The following MTMR2 variants were observed in gnomAD, a reference collection of about 807,000 sequenced individuals.
MTMR2 encodes phosphatidylinositol-3,5-bisphosphate 3-phosphatase MTMR2.
MTMR2 carries 55 observed loss-of-function variants against 86.9 expected under a neutral mutation model. That is an observed-to-expected ratio of 0.63 (90% CI 0.51 to 0.79). The LOEUF (loss-of-function observed/expected upper bound fraction) is 0.79. Ranked by LOEUF, MTMR2 falls within the 30% of genes least tolerant of loss-of-function variation. MTMR2 has a pLI of 0.00. For synonymous variants in MTMR2, 241 were observed against 266.8 expected (o/e 0.90, Z 0.94); for missense variants, 659 against 772.3 (o/e 0.85, Z 1.74).
chr11:95,900,627 A>ATT (rs67412882), intron 1 of MTMR2, among the ~76,000 whole-genome samples: 1 of 147,822 alleles, frequency 6.8e-6, no homozygotes, highest in African/African-American at 2.5e-5. Flanking sequence ...TGTAGATAAC[A>ATT]TTTTTTTTTT....
At chr11:95,905,312 C>G (rs1194853234) in intron 1 of MTMR2, among the ~76,000 whole-genome samples, 2 of 140,538 alleles carry the variant, frequency 1.4e-5, no homozygotes, top group Non-Finnish European at 3.0e-5. Flanking sequence ...TATTCTTACA[C>G]ACACACGCAC....
chr11:95,902,446 C>T (rs1183392995), intron 1 of MTMR2, among the ~76,000 whole-genome samples: 1 of 152,142 alleles, frequency 6.6e-6, no homozygotes. Flanking sequence ...CCTTCAACAT[C>T]ATTTGCATTT....
intron 1 of MTMR2, among the ~76,000 whole-genome samples, chr11:95,891,441 A>G (rs1865708733): frequency 7.1e-6 from 1 of 140,888 alleles, no homozygotes. Context: ...ACAGAGCAAG[A>G]CTCTCACCAA....
chr11:95,907,925 T>C (rs1449985795), intron 1 of MTMR2: 9 of 419,464 alleles, frequency 2.1e-5, no homozygotes, highest in Middle Eastern at 3.4e-4. Flanking sequence ...AGTATTCCCC[T>C]TAAGAAACAG....
At chr11:95,865,553 G>A (rs747201566) in intron 3 of MTMR2, 48 bp downstream of exon 3, 1 of 1,509,874 alleles carries the variant, frequency 6.6e-7, no homozygotes, top group South Asian at 1.1e-5. Context: ...TGAACATTCT[G>A]CACAGTAGAA....
chr11:95,895,571 T>C (rs773943242), intron 1 of MTMR2, among the ~76,000 whole-genome samples: 5 of 152,142 alleles, frequency 3.3e-5, no homozygotes, highest in Non-Finnish European at 7.4e-5. Flanking sequence ...CTATACTGTC[T>C]ATAATAAAAT....
intron 13 of MTMR2, among the ~76,000 whole-genome samples, chr11:95,836,830 G>C (rs1056885859): frequency 6.6e-6 from 1 of 151,932 alleles, no homozygotes; most frequent in Non-Finnish European, 1.5e-5. Flanking sequence ...CAAATCTAGA[G>C]ACAAAAACAT....
chr11:95,856,136 C>T (rs1386846088), intron 7 of MTMR2, among the ~76,000 whole-genome samples: 1 of 151,810 alleles, frequency 6.6e-6, no homozygotes, highest in African/African-American at 2.4e-5. Flanking sequence ...AAAAACAATA[C>T]CCACACATAT....
Position 95,847,722 on chromosome 11 carries a change from G to A in MTMR2, c.1171C>T (p.His391Tyr). 1 of 1,612,024 alleles carries A rather than the reference G, an allele frequency of 6.2e-7. No homozygotes were observed. Among genetic ancestry groups the A allele is most frequent in the Non-Finnish European group, 8.5e-7 (1 of 1,178,146 alleles). The change falls in exon 10 of 15, where the codon CAT (histidine) becomes TAT (tyrosine). Residue 391 changes from histidine to tyrosine, a missense_variant. This residue lies in a region of MTMR2 where 387 missense variants were observed against 526.3 expected (regional missense o/e 0.74). Transcript: ENST00000346299. Reference sequence around the variant, plus strand: ...TAGTAACACACACCCACCTTAATATGTTCTAGCCAATGAGTAGATTCCAAG... The same window carrying A: ...TAGTAACACACACCCACCTTAATATATTCTAGCCAATGAGTAGATTCCAAG... Reference protein sequence around the residue: ...SNLESTHWLEHIKLILAGALR... With the variant: ...SNLESTHWLEYIKLILAGALR...
chr11:95,841,881 G>A (rs1590974915), intron 11 of MTMR2, among the ~76,000 whole-genome samples, 172 bp from the exon 12 acceptor site: 1 of 152,090 alleles, frequency 6.6e-6, no homozygotes, highest in Non-Finnish European at 1.5e-5. Flanking sequence ...GGATCACTTG[G>A]AGCCAGGAAT....
Position 95,862,030 on chromosome 11 carries a change from G to A in MTMR2, c.430C>T (p.Arg144Ter), listed in dbSNP as rs1864438088. 2 of 1,613,498 alleles carry A rather than the reference G, an allele frequency of 1.2e-6. No individual in the cohort carries two copies. Among genetic ancestry groups the A allele is most frequent in the Non-Finnish European group, 1.7e-6 (2 of 1,179,792 alleles). The change falls in exon 5 of 15, where the codon CGA (arginine) becomes TGA (stop). Residue 144 changes from arginine (R) to a stop codon, truncating the protein, a stop_gained. Transcript: ENST00000346299. LOFTEE classifies it high-confidence loss of function. ...RVEKIGGASS[R>*]GENSYGLETV... ...TCTAGTCCATAAGAATTTTCACCTCGACTAGAAGCACCACCAATTTTTTCT... is the reference window on the plus strand; with the variant it reads ...TCTAGTCCATAAGAATTTTCACCTCAACTAGAAGCACCACCAATTTTTTCT...
At chr11:95,888,529 C>T (rs1270503770) in intron 1 of MTMR2, among the ~76,000 whole-genome samples, 1 of 152,116 alleles carries the variant, frequency 6.6e-6, no homozygotes, top group African/African-American at 2.4e-5. Flanking sequence ...ATCCATTCAC[C>T]CATCCATTCA....
At chr11:95,903,471 C>T (rs781445187) in intron 1 of MTMR2, among the ~76,000 whole-genome samples, 11 of 152,176 alleles carry the variant, frequency 7.2e-5, no homozygotes, top group Non-Finnish European at 1.2e-4. Context: ...CACAGTTGAA[C>T]GAGTTGACAG....
At chr11:95,851,220 G>C (rs1463502811) in intron 7 of MTMR2, among the ~76,000 whole-genome samples, 1 of 151,664 alleles carries the variant, frequency 6.6e-6, no homozygotes, top group Non-Finnish European at 1.5e-5. Flanking sequence ...ACGCCACCAT[G>C]CTGGGCTAAT....
chr11:95,841,629 C>T lies in MTMR2; in HGVS notation c.1467G>A (p.Gln489=). ...CCAGATAAATTACCTGTCTTGTCAT[C>T]TGCCAGACACAGTCAATAAATTGAA... ...VFLQFIDCVW[Q]MTRQFPTAFE... Residue 489 remains glutamine (Q), a synonymous_variant, in exon 12 of 15, where the codon CAG becomes CAA. Transcript: ENST00000346299. The T allele has an allele frequency of 1.2e-6, 2 of 1,611,316 alleles. No individual in the cohort carries two copies. The highest frequency in any genetic ancestry group is 4.5e-5 in the East Asian group (2 of 44,866).
Position 95,836,323 on chromosome 11 carries a change from T to G in MTMR2, c.1595A>C (p.Asn532Thr), listed in dbSNP as rs1565342809. 1 of 1,612,384 alleles carries G rather than the reference T, an allele frequency of 6.2e-7. No homozygotes were observed. The highest frequency in any genetic ancestry group is 1.3e-5 in the African/African-American group (1 of 74,952). ...CNSEQQRGKENLPKRTVSLWS... is the reference protein window; with the variant it reads ...CNSEQQRGKETLPKRTVSLWS... Reference sequence around the variant, plus strand: ...CAGTGACACAGTCCTTTTAGGAAGATTCTGTAGGCAGGAAAAATAGGTAAA... The same window carrying G: ...CAGTGACACAGTCCTTTTAGGAAGAGTCTGTAGGCAGGAAAAATAGGTAAA... Residue 532 changes from asparagine to threonine, a missense_variant and splice_region_variant, in exon 14 of 15, where the codon AAT becomes ACT. Physicochemically the swap from Asn to Thr is moderately conservative, Grantham distance 65. Coordinates refer to ENST00000346299, the MANE Select transcript of MTMR2 (RefSeq NM_016156.6).
At chr11:95,897,318 C>T (rs943314587) in intron 1 of MTMR2, among the ~76,000 whole-genome samples, 8 of 152,038 alleles carry the variant, frequency 5.3e-5, no homozygotes, top group Admixed American at 1.3e-4. Context: ...ATTTTTTATA[C>T]ACACACGATG....
intron 1 of MTMR2, 53 bp from the exon 2 acceptor site, chr11:95,888,314 A>G: frequency 8.6e-7 from 1 of 1,162,242 alleles, no homozygotes; most frequent in African/African-American, 1.5e-5. Context: ...TCAAAGACCA[A>G]TTTCAGACAT....
At chr11:95,845,458 G>A (rs1267477881) in intron 10 of MTMR2, among the ~76,000 whole-genome samples, 1 of 152,070 alleles carries the variant, frequency 6.6e-6, no homozygotes, top group African/African-American at 2.4e-5. Context: ...GTTCTAAAGA[G>A]ATCTGTTTCT....
Sources: gnomAD v4.1 joint callset for allele counts (sites outside exome capture counted in the v4.1 genomes callset) on GRCh38, gnomAD v4.1.1 for gene constraint, gnomAD v4.1.1 regional missense constraint, MANE v1.5 for transcripts, NCBI Gene and HGNC (gene_info 2026-07-23, HGNC 2026-07-21) for gene names.